The following CLASP2 variants were observed in gnomAD, a reference collection of about 807,000 sequenced individuals.
The protein encoded by CLASP2 is cytoplasmic linker associated protein 2.
Under a neutral mutation model 194.4 loss-of-function variants are expected in CLASP2, and 47 were observed. That is an observed-to-expected ratio of 0.24 (90% CI 0.19 to 0.31). The LOEUF is 0.31. Among genes scored for constraint, CLASP2 ranks in the 10% least tolerant of loss-of-function variants. The probability of loss-of-function intolerance (pLI) is 1.00; values close to 1 mark genes in which losing one functional copy is unlikely to be tolerated. For missense variants in CLASP2, 1,445 were observed against 1,823.6 expected (o/e 0.79, Z 3.78); for synonymous variants, 619 against 633.5 (o/e 0.98, Z 0.34).
chr3:33,701,188 C>T (rs768153690), intron 1 of CLASP2, among the ~76,000 whole-genome samples: 12 of 152,216 alleles, frequency 7.9e-5, no homozygotes, highest in Middle Eastern at 3.4e-3. Context: ...ATGCAGAAAT[C>T]GACAAGCTGA....
intron 8 of CLASP2, chr3:33,644,504 T>C: frequency 4.5e-6 from 2 of 447,582 alleles, no homozygotes; most frequent in Non-Finnish European, 8.0e-6. Flanking sequence ...CATAAATCTT[T>C]TTCAAAATGG....
chr3:33,567,389 G>T (rs1184440638), intron 26 of CLASP2, among the ~76,000 whole-genome samples: 1 of 152,172 alleles, frequency 6.6e-6, no homozygotes, highest in Admixed American at 6.5e-5. Flanking sequence ...AATTTCTACC[G>T]TAGTTGTCCA....
rs1431125084 is a variant in CLASP2 at position 33,581,881 on chromosome 3, G to A, written c.2287C>T (p.Arg763Trp). Reference sequence around the variant, plus strand: ...CTGCTGCTCTCCCGACTAGCTTCCCGGCTGCATCCTTGACTCACACTTGGT... The same window carrying A: ...CTGCTGCTCTCCCGACTAGCTTCCCAGCTGCATCCTTGACTCACACTTGGT... ...PRPSVSQGCS[R>W]EASRESSRDT... Residue 763 changes from arginine to tryptophan, a missense_variant, in exon 23 of 39, where the codon CGG becomes TGG. Transcript: ENST00000682230. 3 of 1,613,604 alleles carry A rather than the reference G, an allele frequency of 1.9e-6. No homozygotes were observed. Among genetic ancestry groups the A allele is most frequent in the South Asian group, 1.1e-5 (1 of 90,986 alleles).
chr3:33,691,981 C>T (rs1039055438), intron 2 of CLASP2, among the ~76,000 whole-genome samples: 16 of 151,984 alleles, frequency 1.1e-4, no homozygotes, highest in African/African-American at 3.9e-4. Flanking sequence ...ATCAGCCTGG[C>T]CAAAATGACA....
At chr3:33,572,825 TATTAAA>T (rs967955461) in intron 25 of CLASP2, among the ~76,000 whole-genome samples, 4 of 151,804 alleles carry the variant, frequency 2.6e-5, no homozygotes, top group African/African-American at 9.7e-5. Context: ...TATTATTAAA[TATTAAA>T]ATTAATAACA....
chr3:33,708,676 CA>C, intron 1 of CLASP2, among the ~76,000 whole-genome samples: 1 of 151,842 alleles, frequency 6.6e-6, no homozygotes, highest in East Asian at 1.9e-4. Flanking sequence ...CAAGGGAATG[CA>C]AATATCTCTT....
intron 10 of CLASP2, among the ~76,000 whole-genome samples, chr3:33,624,011 G>T (rs1414188800): frequency 6.6e-6 from 1 of 152,030 alleles, no homozygotes; most frequent in Non-Finnish European, 1.5e-5. Flanking sequence ...AGTACTAGAA[G>T]GCCTAGCCAG....
chr3:33,624,333 C>T (rs770145128), intron 10 of CLASP2, among the ~76,000 whole-genome samples: 5 of 152,014 alleles, frequency 3.3e-5, no homozygotes, highest in Non-Finnish European at 5.9e-5. Context: ...ATTATATAAT[C>T]TTGGGCATAT....
intron 30 of CLASP2, among the ~76,000 whole-genome samples, chr3:33,548,251 T>TA (rs1342012801): frequency 6.6e-6 from 1 of 152,152 alleles, no homozygotes; most frequent in Non-Finnish European, 1.5e-5. Context: ...ATCAAATACT[T>TA]ACAGATTTTT....
At chr3:33,560,442 C>T (rs894231973) in intron 28 of CLASP2, among the ~76,000 whole-genome samples, 9 of 151,980 alleles carry the variant, frequency 5.9e-5, no homozygotes, top group Non-Finnish European at 1.2e-4. Flanking sequence ...ATGGTTTCAC[C>T]ATGTTGACCA....
intron 27 of CLASP2, among the ~76,000 whole-genome samples, chr3:33,564,870 G>A (rs565740378): frequency 5.9e-5 from 9 of 152,098 alleles, no homozygotes; most frequent in South Asian, 2.1e-4. Context: ...GATTACAGAC[G>A]TGAGCCATGT....
In CLASP2 at chr3:33,612,046, G is replaced by A; in HGVS notation, c.1343C>T (p.Pro448Leu). The A allele has an allele frequency of 6.2e-7, 1 of 1,610,222 alleles. No homozygotes were observed. Among genetic ancestry groups the A allele is most frequent in the African/African-American group, 1.3e-5 (1 of 74,942 alleles). The part of the protein sequence containing the change: ...IRHTHVPRLI[P>L]LITSNCTSKS... ...TGATGTGCAATTGCTTGTTATTAAA[G>A]GTATAAGTCTGGGTACATGAGTATG... is the stretch of plus-strand genomic sequence containing the variant. Residue 448 changes from proline (P) to leucine (L), a missense_variant, in exon 13 of 39, where the codon CCT (proline) becomes CTT (leucine). This residue lies in a region of CLASP2 where 207 missense variants were observed against 331.4 expected (regional missense o/e 0.62). Transcript: ENST00000682230.
intron 8 of CLASP2, among the ~76,000 whole-genome samples, chr3:33,635,837 C>A (rs2080035518): frequency 6.6e-6 from 1 of 151,856 alleles, no homozygotes; most frequent in African/African-American, 2.4e-5. Context: ...ATTCCAAAAC[C>A]CACAGAGAGC....
At chr3:33,575,887 T>C (rs779381928) in intron 24 of CLASP2, among the ~76,000 whole-genome samples, 5 of 152,184 alleles carry the variant, frequency 3.3e-5, no homozygotes, top group African/African-American at 7.2e-5. Flanking sequence ...ATATAGTTTA[T>C]CTCCCTTAAG....
At chr3:33,522,778 A>C (rs542613932) in intron 34 of CLASP2, among the ~76,000 whole-genome samples, 2 of 152,344 alleles carry the variant, frequency 1.3e-5, no homozygotes, top group Admixed American at 1.3e-4. Flanking sequence ...TGAAATAAAA[A>C]ATCCAATAGT....
At chr3:33,681,709 AC>A (rs2089886549) in intron 6 of CLASP2, among the ~76,000 whole-genome samples, 1 of 152,184 alleles carries the variant, frequency 6.6e-6, no homozygotes, top group South Asian at 2.1e-4. Flanking sequence ...CTTTATTTGG[AC>A]CCTGGTTCAA....
At chr3:33,598,901 G>C (rs2071237753) in intron 18 of CLASP2, among the ~76,000 whole-genome samples, 1 of 152,110 alleles carries the variant, frequency 6.6e-6, no homozygotes, top group Non-Finnish European at 1.5e-5. Context: ...TTCCTCTTCA[G>C]GCTGAAGTTA....
chr3:33,654,338 A>T (rs2083771932), intron 7 of CLASP2, among the ~76,000 whole-genome samples: 1 of 152,196 alleles, frequency 6.6e-6, no homozygotes, highest in Non-Finnish European at 1.5e-5. Context: ...CCACGGAAAA[A>T]GGAAAAAGCA....
chr3:33,712,884 C>T lies in CLASP2; in HGVS notation c.195+4924G>A, dbSNP rs1160943616. Among the ~76,000 whole-genome samples, 12 of 151,778 alleles carry T rather than the reference C, an allele frequency of 7.9e-5. No homozygotes were observed. In the East Asian group the frequency reaches 1.9e-3, roughly 24 times the overall value. On this transcript the variant is annotated intron_variant, in intron 1 of 38. Coordinates refer to ENST00000682230, the MANE Select transcript of CLASP2 (RefSeq NM_001365631.1). ...GGCTGAGGCAGAGGAACCACCTGAA[C>T]CCAGGAGGTGGAGGTTGCAGTGTGC...
Sources: gnomAD v4.1 joint callset for allele counts (sites outside exome capture counted in the v4.1 genomes callset) on GRCh38, gnomAD v4.1.1 for gene constraint, gnomAD v4.1.1 regional missense constraint, MANE v1.5 for transcripts, NCBI Gene and HGNC (gene_info 2026-07-23, HGNC 2026-07-21) for gene names.